Variants in PRKAR2B observed in about 807,000 individuals in gnomAD.
PRKAR2B encodes cAMP-dependent protein kinase type II-beta regulatory subunit.
Under a neutral mutation model 49.9 loss-of-function variants are expected in PRKAR2B, and 14 were observed. The ratio of observed to expected loss-of-function variants is 0.28; its 90% CI spans 0.19 to 0.44. PRKAR2B has a LOEUF of 0.44. Among genes scored for constraint, PRKAR2B ranks in the 20% least tolerant of loss-of-function variants. The pLI is 1.00. For synonymous variants in PRKAR2B, 196 were observed against 197.7 expected, an observed-to-expected ratio of 0.99 and a Z score of 0.07; for missense variants, 393 against 537.9, an observed-to-expected ratio of 0.73 and a Z score of 2.67.
chr7:107,116,375 T>C (rs1795273120), intron 2 of PRKAR2B, among the ~76,000 whole-genome samples: 1 of 152,186 alleles, frequency 6.6e-6, no homozygotes, highest in Non-Finnish European at 1.5e-5. Context: ...TTTGTAGATA[T>C]CGTCATTGTG....
In PRKAR2B at chr7:107,146,197, G is replaced by A. The variant is rs987014391; in HGVS notation, c.588-111G>A. The A allele has an allele frequency of 3.5e-5, 39 of 1,108,478 alleles. No homozygotes were observed. In the East Asian group the frequency reaches 1.0e-3, roughly 29 times the overall value. The allele number at this position is 1,108,478 out of a possible 1,614,324, so 68.7% of individuals were successfully genotyped here. A position where few individuals can be genotyped will look rare whatever the true frequency, so the allele number is the denominator to read the frequency against. On this transcript the variant is annotated intron_variant, in intron 5 of 10. Coordinates refer to ENST00000265717, the MANE Select transcript of PRKAR2B (RefSeq NM_002736.3). Reference sequence around the variant, plus strand: ...ATTCCCCTTTATTGTCATCGGAGGGGATAACAGGCTGGAAATAAGATTTTT... The same window carrying A: ...ATTCCCCTTTATTGTCATCGGAGGGAATAACAGGCTGGAAATAAGATTTTT...
chr7:107,098,845 G>A (rs571479774), intron 2 of PRKAR2B, among the ~76,000 whole-genome samples: 2 of 152,244 alleles, frequency 1.3e-5, no homozygotes, highest in Admixed American at 6.5e-5. Flanking sequence ...ATTGCAGAAC[G>A]GCAAATGTTG....
chr7:107,052,936 T>C (rs1793835647), intron 1 of PRKAR2B, among the ~76,000 whole-genome samples: 1 of 152,194 alleles, frequency 6.6e-6, no homozygotes, highest in Middle Eastern at 3.2e-3. Context: ...TTCAAGTGAT[T>C]CTCCTGCCTC....
At chr7:107,104,337 C>T (rs1336648458) in intron 2 of PRKAR2B, among the ~76,000 whole-genome samples, 4 of 152,170 alleles carry the variant, frequency 2.6e-5, no homozygotes, top group Non-Finnish European at 4.4e-5. Context: ...GCCTGCCCTC[C>T]TCGCCTCAAA....
rs1283235621 is a variant in PRKAR2B, at chr7:107,111,770, G to A, written c.344-10182G>A. On this transcript the variant is annotated intron_variant, in intron 2 of 10. Transcript: ENST00000265717. ...GAGCACTTACGGAATTGGGCATGAA[G>A]AATTTCAAGACTTTTAATAACATTT... is the stretch of plus-strand genomic sequence containing the variant. Among the ~76,000 whole-genome samples, 3 of 151,968 alleles carry A rather than the reference G, an allele frequency of 2.0e-5. No individual in the cohort carries two copies. The East Asian group carries it at 5.8e-4, about 29-fold the overall frequency.
At chr7:107,110,660 C>T (rs534265128) in intron 2 of PRKAR2B, among the ~76,000 whole-genome samples, 1 of 151,980 alleles carries the variant, frequency 6.6e-6, no homozygotes. Flanking sequence ...CTAGACATAC[C>T]CAGGGCCAGA....
At chr7:107,098,594 C>G (rs1261114378) in intron 2 of PRKAR2B, among the ~76,000 whole-genome samples, 3 of 152,190 alleles carry the variant, frequency 2.0e-5, no homozygotes, top group Admixed American at 6.5e-5. Flanking sequence ...AAGAGGCGCT[C>G]TGATTTTTAG....
chr7:107,070,723 G>A (rs1022121881), intron 2 of PRKAR2B, among the ~76,000 whole-genome samples: 1 of 152,148 alleles, frequency 6.6e-6, no homozygotes, highest in Non-Finnish European at 1.5e-5. Flanking sequence ...TGATAATTGA[G>A]TGAGTGTTTT....
intron 2 of PRKAR2B, among the ~76,000 whole-genome samples, chr7:107,119,001 A>G (rs544300986): frequency 1.3e-5 from 2 of 152,204 alleles, no homozygotes; most frequent in African/African-American, 4.8e-5. Flanking sequence ...GAAACAGACA[A>G]ACACACTATG....
At chr7:107,106,280 A>T (rs189030367) in intron 2 of PRKAR2B, among the ~76,000 whole-genome samples, 33 of 152,304 alleles carry the variant, frequency 2.2e-4, no homozygotes, top group Admixed American at 1.1e-3. Context: ...CCCTCTGGTA[A>T]TCCCACTGAA....
chr7:107,100,183 T>C (rs530290197), intron 2 of PRKAR2B, among the ~76,000 whole-genome samples: 1 of 152,284 alleles, frequency 6.6e-6, no homozygotes, highest in Admixed American at 6.5e-5. Context: ...GTTAGGTGCA[T>C]TTGCTAGCTG....
In PRKAR2B at chr7:107,159,709, C is replaced by A. The variant is rs961589725; in HGVS notation, c.*127C>A. 1.1e-6 allele frequency: 1 copy of A among 943,442 alleles called. No individual in the cohort carries two copies. Among genetic ancestry groups the A allele is most frequent in the Non-Finnish European group, 1.6e-6 (1 of 635,600 alleles). The allele number at this position is 943,442 out of a possible 1,614,324, so 58.4% of individuals were successfully genotyped here. On this transcript the variant is annotated 3_prime_UTR_variant, in exon 11 of 11. Transcript: ENST00000265717. ...AGGTTTTTTCCTTTTTTTACATTTA[C>A]AACGTATCAATAAACAGTAGTGATT...
intron 2 of PRKAR2B, among the ~76,000 whole-genome samples, chr7:107,103,622 CT>C (rs960420916): frequency 1.3e-5 from 2 of 152,188 alleles, no homozygotes; most frequent in Non-Finnish European, 2.9e-5. Flanking sequence ...CACAGAGGCA[CT>C]TGATAAACTC....
At chr7:107,046,408 T>A (rs1793694817) in intron 1 of PRKAR2B, among the ~76,000 whole-genome samples, 1 of 152,252 alleles carries the variant, frequency 6.6e-6, no homozygotes, top group South Asian at 2.1e-4. Flanking sequence ...CCTAGGAAGA[T>A]GTTTCTTTTC....
intron 1 of PRKAR2B, among the ~76,000 whole-genome samples, chr7:107,060,897 CAT>C (rs975742574): frequency 2.0e-4 from 30 of 152,076 alleles, no homozygotes; most frequent in African/African-American, 7.0e-4. Flanking sequence ...TCTTGAGTTT[CAT>C]CTTTAAGGCT....
intron 1 of PRKAR2B, among the ~76,000 whole-genome samples, chr7:107,049,744 G>A (rs1053560524): frequency 6.6e-6 from 1 of 152,118 alleles, no homozygotes; most frequent in African/African-American, 2.4e-5. Context: ...ATGTTATACA[G>A]TAATAAAATC....
intron 1 of PRKAR2B, among the ~76,000 whole-genome samples, 189 bp downstream of exon 1, chr7:107,045,403 C>T (rs1793669907): frequency 6.6e-6 from 1 of 152,194 alleles, no homozygotes; most frequent in Admixed American, 6.5e-5. Context: ...CACCTTCCTA[C>T]TCCGCTCTCT....
chr7:107,160,932 A>G lies in PRKAR2B; in HGVS notation c.*1350A>G, dbSNP rs1170428864. 6.6e-6 allele frequency: 1 copy of G among 152,216 alleles called. No homozygotes were observed. The highest frequency in any genetic ancestry group is 1.9e-4 in the East Asian group (1 of 5,202). 9.4% of individuals were successfully genotyped at this position (152,216 alleles called of 1,614,324 possible). A position where few individuals can be genotyped will look rare whatever the true frequency, so the allele number is the denominator to read the frequency against. On this transcript the variant is annotated 3_prime_UTR_variant, in exon 11 of 11. Transcript: ENST00000265717. ...TTCTAGGCCCCATGACCCAGTGTCT[A>G]GAGACATTAATTCTAACCAGTTGTT...
intron 2 of PRKAR2B, among the ~76,000 whole-genome samples, chr7:107,099,743 A>G (rs1584428079): frequency 6.7e-6 from 1 of 149,110 alleles, no homozygotes; most frequent in East Asian, 2.0e-4. Flanking sequence ...GGTTCATGCC[A>G]TTCTCCTTAG....
Sources: gnomAD v4.1 joint callset for allele counts (sites outside exome capture counted in the v4.1 genomes callset) on GRCh38, gnomAD v4.1.1 for gene constraint, MANE v1.5 for transcripts, NCBI Gene and HGNC (gene_info 2026-07-23, HGNC 2026-07-21) for gene names.